The following PDZRN4 variants were observed in gnomAD, a reference collection of about 807,000 sequenced individuals.
PDZRN4 encodes PDZ domain containing ring finger 4, also known as PDZ domain-containing RING finger protein 4.
A neutral mutation model predicts 99.0 loss-of-function variants in PDZRN4; 70 were observed. The ratio of observed to expected loss-of-function variants is 0.71; its 90% CI spans 0.58 to 0.86. The LOEUF (loss-of-function observed/expected upper bound fraction) is 0.86. Among genes scored for constraint, PDZRN4 ranks in the 40% least tolerant of loss-of-function variants. The pLI, the probability that PDZRN4 is intolerant of heterozygous loss-of-function variation, is 0.00. For missense variants in PDZRN4, 1,474 were observed against 1,331.2 expected (o/e 1.11, Z -1.67); for synonymous variants, 551 against 501.6 (o/e 1.10, Z -1.32).
chr12:41,188,666 C>A lies in PDZRN4; in HGVS notation c.211C>A (p.Arg71Ser), dbSNP rs1305650965. The change falls in exon 1 of 10, where the codon CGC becomes AGC. Residue 71 changes from arginine to serine, a missense_variant. Coordinates refer to ENST00000402685, the MANE Select transcript of PDZRN4 (RefSeq NM_001164595.2). Reference protein sequence around the residue: ...PGELYRVLPLRSLIQKLRVQC... With the variant: ...PGELYRVLPLSSLIQKLRVQC... ...CGAGCTGTACCGGGTGCTGCCGCTG[C>A]GCAGCCTCATCCAGAAGCTGCGAGT... The A allele has an allele frequency of 3.9e-6, 6 of 1,550,668 alleles. No individual in the cohort carries two copies. Among genetic ancestry groups the A allele is most frequent in the East Asian group, 2.4e-5 (1 of 41,886 alleles).
At chr12:41,512,035 G>C (rs963654978) in intron 5 of PDZRN4, among the ~76,000 whole-genome samples, 1 of 152,062 alleles carries the variant, frequency 6.6e-6, no homozygotes, top group Admixed American at 6.6e-5. Flanking sequence ...GCCACTGAGA[G>C]AATATCACAG....
At chr12:41,467,113 G>A (rs1215118022) in intron 3 of PDZRN4, among the ~76,000 whole-genome samples, 6 of 152,186 alleles carry the variant, frequency 3.9e-5, no homozygotes, top group Non-Finnish European at 5.9e-5. Context: ...AAATAGCTTC[G>A]CTCCTGATGG....
At chr12:41,190,891 T>C (rs1340741111) in intron 1 of PDZRN4, among the ~76,000 whole-genome samples, 1 of 152,214 alleles carries the variant, frequency 6.6e-6, no homozygotes, top group Non-Finnish European at 1.5e-5. Context: ...AACCCTTATT[T>C]TTTTATTCTG....
chr12:41,213,995 C>A (rs543873059), intron 3 of PDZRN4, among the ~76,000 whole-genome samples: 1 of 151,782 alleles, frequency 6.6e-6, no homozygotes, highest in East Asian at 1.9e-4. Flanking sequence ...TAAAGCAATG[C>A]GTGGTACATA....
chr12:41,447,575 A>G (rs2733294), intron 3 of PDZRN4, among the ~76,000 whole-genome samples: 22,096 of 152,152 alleles, frequency 0.15, 1,718 homozygotes, highest in Non-Finnish European at 0.17. Context: ...TTTAAAGGGT[A>G]TAACACATTA....
intron 3 of PDZRN4, among the ~76,000 whole-genome samples, chr12:41,221,376 A>G (rs1361081369): frequency 6.6e-6 from 1 of 152,186 alleles, no homozygotes; most frequent in African/African-American, 2.4e-5. Context: ...CACATGGGGA[A>G]GAGAAAGCTG....
intron 3 of PDZRN4, among the ~76,000 whole-genome samples, chr12:41,317,070 A>ATATATATATATATATATATATATG: frequency 7.0e-6 from 1 of 142,458 alleles, no homozygotes; most frequent in South Asian, 2.2e-4. Flanking sequence ...ATATATATAT[A>ATATATATATATATATATATATATG]TATAGTATAT....
chr12:41,303,868 G>A (rs1951552705), intron 3 of PDZRN4, among the ~76,000 whole-genome samples: 1 of 152,118 alleles, frequency 6.6e-6, no homozygotes, highest in African/African-American at 2.4e-5. Flanking sequence ...TGCAGAACTG[G>A]GGAGGTTGTT....
intron 3 of PDZRN4, among the ~76,000 whole-genome samples, chr12:41,423,509 T>A (rs1952509262): frequency 6.6e-6 from 1 of 152,170 alleles, no homozygotes; most frequent in Admixed American, 6.6e-5. Context: ...ATCTTTAACC[T>A]TCATTCTACT....
At chr12:41,464,126 A>T (rs1468516439) in intron 3 of PDZRN4, among the ~76,000 whole-genome samples, 4 of 152,100 alleles carry the variant, frequency 2.6e-5, no homozygotes, top group Non-Finnish European at 5.9e-5. Flanking sequence ...ACACTCTATA[A>T]CACCAGCCAT....
At chr12:41,440,374 A>G (rs1952668346) in intron 3 of PDZRN4, among the ~76,000 whole-genome samples, 1 of 152,180 alleles carries the variant, frequency 6.6e-6, no homozygotes, top group South Asian at 2.1e-4. Flanking sequence ...TCTTTATAAT[A>G]GAATCATTAT....
chr12:41,198,697 A>G (rs552832457), intron 3 of PDZRN4, among the ~76,000 whole-genome samples: 34 of 151,498 alleles, frequency 2.2e-4, no homozygotes, highest in Non-Finnish European at 4.7e-4. Flanking sequence ...CCAGCATGGC[A>G]CATGTATACA....
rs768540747 is a variant in PDZRN4 at position 41,269,851 on chromosome 12, G to A, written c.843+75663G>A. 9.2e-5 allele frequency among the ~76,000 whole-genome samples: 14 copies of A among 152,134 alleles called. 1 individual carries two copies. Among genetic ancestry groups the A allele is most frequent in the Non-Finnish European group, 1.3e-4 (9 of 68,014 alleles). ...CACAGACCTGTGGGTTATCCTTGGG[G>A]AAGAAATAAAGTCAACACCAGGTTT... On this transcript the variant is annotated intron_variant, in intron 3 of 9. Transcript: ENST00000402685.
intron 5 of PDZRN4, among the ~76,000 whole-genome samples, chr12:41,532,609 A>G (rs1938679541): frequency 6.6e-6 from 1 of 152,112 alleles, no homozygotes; most frequent in Non-Finnish European, 1.5e-5. Flanking sequence ...ACATATTTTT[A>G]TTAGCTTAAT....
intron 3 of PDZRN4, among the ~76,000 whole-genome samples, chr12:41,421,986 A>T (rs549680926): frequency 6.6e-6 from 1 of 152,316 alleles, no homozygotes; most frequent in African/African-American, 2.4e-5. Context: ...TTAATTATTT[A>T]AGATGAGCAG....
chr12:41,400,631 G>C (rs1035654408), intron 3 of PDZRN4, among the ~76,000 whole-genome samples: 3 of 152,066 alleles, frequency 2.0e-5, no homozygotes, highest in South Asian at 4.2e-4. Flanking sequence ...TGGAGTGAGT[G>C]GGGGGATGTA....
In PDZRN4 at chr12:41,574,213, T is replaced by C. The variant is rs369794686; in HGVS notation, c.*323T>C. ...TAATTTCCTACTTCAATGTATCTAA[T>C]GTAAGTGAAAATCTGGATTTATTTC... On this transcript the variant is annotated 3_prime_UTR_variant, in exon 10 of 10. Coordinates refer to ENST00000402685, the MANE Select transcript of PDZRN4 (RefSeq NM_001164595.2). 146 of 182,774 alleles carry C rather than the reference T, an allele frequency of 8.0e-4. No individual in the cohort carries two copies. Among genetic ancestry groups the C allele is most frequent in the African/African-American group, 3.4e-3 (145 of 42,882 alleles). The allele number at this position is 182,774 out of a possible 1,614,324, so 11.3% of individuals were successfully genotyped here.
At chr12:41,424,990 G>T (rs915008792) in intron 3 of PDZRN4, among the ~76,000 whole-genome samples, 10 of 152,072 alleles carry the variant, frequency 6.6e-5, no homozygotes, top group African/African-American at 2.4e-4. Context: ...AAGAAAATAG[G>T]TCAGTTGATA....
At chr12:41,345,104 A>AT (rs1365480411) in intron 3 of PDZRN4, among the ~76,000 whole-genome samples, 1 of 152,096 alleles carries the variant, frequency 6.6e-6, no homozygotes, top group Non-Finnish European at 1.5e-5. Context: ...AATCTGTTTC[A>AT]TTTTTGTGTT....
Sources: allele counts gnomAD v4.1 joint callset (sites outside exome capture counted in the v4.1 genomes callset), GRCh38; gene constraint gnomAD v4.1.1; transcripts MANE v1.5; gene names NCBI Gene and HGNC (gene_info 2026-07-23, HGNC 2026-07-21).